RGS6: variants seen among roughly 807,000 people sequenced by gnomAD.
The protein encoded by RGS6 is regulator of G protein signaling 6.
Under a neutral mutation model 78.5 loss-of-function variants are expected in RGS6, and 30 were observed. That is an observed-to-expected ratio of 0.38 (90% CI 0.29 to 0.52). The LOEUF (loss-of-function observed/expected upper bound fraction) is 0.52, where lower values mean the gene tolerates loss of function less well. RGS6 is among the 20% of genes least tolerant of loss of function. The pLI, the probability that RGS6 is intolerant of heterozygous loss-of-function variation, is 0.85. For synonymous variants in RGS6, 206 were observed against 206.0 expected, an observed-to-expected ratio of 1.00 and a Z score of 0.00; for missense variants, 495 against 609.7, an observed-to-expected ratio of 0.81 and a Z score of 1.98.
the RGS6 span, among the ~76,000 whole-genome samples, chr14:71,881,382 G>C: frequency 6.6e-6 from 1 of 152,180 alleles, no homozygotes; most frequent in African/African-American, 2.4e-5. Context: ...GGGCTGGGGT[G>C]AAATGATATG....
chr14:72,429,008 C>T (rs558543161), intron 3 of RGS6, among the ~76,000 whole-genome samples: 15 of 152,156 alleles, frequency 9.9e-5, no homozygotes, highest in Non-Finnish European at 2.1e-4. Context: ...CAAGACCAGC[C>T]TAGGCAACAT....
intron 2 of RGS6, among the ~76,000 whole-genome samples, chr14:72,251,868 TGAAAA>T (rs761651710): frequency 4.6e-5 from 7 of 152,060 alleles, no homozygotes; most frequent in South Asian, 2.1e-4. Flanking sequence ...AAATAAAAGT[TGAAAA>T]GAAAAGAAAA....
intron 2 of RGS6, among the ~76,000 whole-genome samples, chr14:72,189,350 C>T (rs2097293343): frequency 6.6e-6 from 1 of 152,106 alleles, no homozygotes; most frequent in Admixed American, 6.6e-5. Context: ...AGTAGCAAAA[C>T]ATTTTTCTAT....
chr14:71,995,133 C>T (rs1056005851), intron 2 of RGS6, among the ~76,000 whole-genome samples: 21 of 152,184 alleles, frequency 1.4e-4, no homozygotes, highest in Non-Finnish European at 1.5e-5. Context: ...CATCTTTCCT[C>T]TCCAAACCCC....
At chr14:72,444,682 G>C (rs987282937) in intron 3 of RGS6, among the ~76,000 whole-genome samples, 2 of 65,706 alleles carry the variant, frequency 3.0e-5, no homozygotes, top group African/African-American at 1.1e-4. Context: ...TAAGTCCTTC[G>C]CTTTCCTTCT....
At chr14:72,601,086 G>A in the RGS6 span, among the ~76,000 whole-genome samples, 1 of 151,900 alleles carries the variant, frequency 6.6e-6, no homozygotes, top group East Asian at 1.9e-4. Context: ...GGAAGAAGGG[G>A]AGGAAAGGGA....
At chr14:72,315,257 T>C (rs922037996) in intron 2 of RGS6, among the ~76,000 whole-genome samples, 3 of 152,176 alleles carry the variant, frequency 2.0e-5, no homozygotes, top group African/African-American at 7.2e-5. Context: ...CAGTCCAAGG[T>C]AGAGAAATAA....
chr14:72,110,525 G>A (rs2095735052), intron 2 of RGS6, among the ~76,000 whole-genome samples: 1 of 152,088 alleles, frequency 6.6e-6, no homozygotes, highest in Non-Finnish European at 1.5e-5. Flanking sequence ...CTTGTAGGAG[G>A]GAGGCAGCGA....
intron 2 of RGS6, among the ~76,000 whole-genome samples, chr14:72,227,342 TG>T (rs2048363801): frequency 6.6e-6 from 1 of 152,352 alleles, no homozygotes; most frequent in East Asian, 1.9e-4. Flanking sequence ...CTTGAACTAC[TG>T]GGCTCCAGCA....
chr14:72,502,637 A>G (rs2096743194), intron 13 of RGS6, among the ~76,000 whole-genome samples: 1 of 152,164 alleles, frequency 6.6e-6, no homozygotes, highest in South Asian at 2.1e-4. Flanking sequence ...GGTGGCAGGC[A>G]GCTGTAATCC....
chr14:72,205,041 A>G (rs764576705), intron 2 of RGS6, among the ~76,000 whole-genome samples: 1 of 152,204 alleles, frequency 6.6e-6, no homozygotes, highest in Admixed American at 6.5e-5. Context: ...GCATGAGCAG[A>G]TAGAGGGCAG....
intron 1 of RGS6, among the ~76,000 whole-genome samples, chr14:71,947,757 G>A (rs539839664): frequency 6.6e-6 from 1 of 152,330 alleles, no homozygotes; most frequent in South Asian, 2.1e-4. Context: ...TATCAAAAAT[G>A]TATTTGGAAA....
At chr14:72,547,525 A>G (rs1480483973) in intron 17 of RGS6, among the ~76,000 whole-genome samples, 2 of 152,194 alleles carry the variant, frequency 1.3e-5, no homozygotes, top group African/African-American at 2.4e-5. Flanking sequence ...ATACCTGTCC[A>G]TAGGTAGGAA....
At chr14:72,090,450 G>T (rs189895390) in intron 2 of RGS6, among the ~76,000 whole-genome samples, 1 of 152,140 alleles carries the variant, frequency 6.6e-6, no homozygotes, top group East Asian at 1.9e-4. Flanking sequence ...CACATGCGAG[G>T]GATCTAGGTT....
intron 2 of RGS6, among the ~76,000 whole-genome samples, chr14:72,260,209 T>G (rs2057893121): frequency 6.6e-6 from 1 of 152,216 alleles, no homozygotes; most frequent in African/African-American, 2.4e-5. Flanking sequence ...AGGTGAATCC[T>G]TGTAAAGTTG....
At chr14:72,494,536 T>C (rs34347761) in intron 12 of RGS6, among the ~76,000 whole-genome samples, 8,008 of 152,264 alleles carry the variant, frequency 0.053, 297 homozygotes, top group Non-Finnish European at 0.069. Flanking sequence ...ACTATTTTAT[T>C]ATTCTAACTA....
intron 12 of RGS6, among the ~76,000 whole-genome samples, chr14:72,489,201 T>C (rs559264311): frequency 1.3e-4 from 19 of 144,046 alleles, no homozygotes; most frequent in South Asian, 9.4e-4. Context: ...GAGAATGCCA[T>C]GGATGCTGAA....
chr14:72,507,101 G>A (rs923152972), intron 13 of RGS6, among the ~76,000 whole-genome samples: 5 of 151,480 alleles, frequency 3.3e-5, no homozygotes, highest in South Asian at 2.1e-4. Context: ...CCCAGGAGGC[G>A]GAGCCTGCAG....
At chr14:72,450,505 T>C (rs2095467919) in intron 3 of RGS6, among the ~76,000 whole-genome samples, 1 of 152,180 alleles carries the variant, frequency 6.6e-6, no homozygotes, top group African/African-American at 2.4e-5. Flanking sequence ...CCCTGGAATA[T>C]ATATTGATAA....
Sources: allele counts gnomAD v4.1 joint callset (sites outside exome capture counted in the v4.1 genomes callset), GRCh38; gene constraint gnomAD v4.1.1; transcripts MANE v1.5; gene names NCBI Gene and HGNC (gene_info 2026-07-23, HGNC 2026-07-21).